Variants in EIF4ENIF1 observed in about 807,000 individuals in gnomAD.
EIF4ENIF1 encodes the protein eukaryotic translation initiation factor 4E nuclear import factor 1.
In EIF4ENIF1, 23 loss-of-function variants were observed where a neutral mutation model predicts 110.5. That is an observed-to-expected ratio of 0.21 (90% CI 0.15 to 0.29). The LOEUF (loss-of-function observed/expected upper bound fraction) is 0.29, where lower values mean the gene tolerates loss of function less well. Ranked by LOEUF, EIF4ENIF1 falls within the 10% of genes least tolerant of loss-of-function variation. The pLI is 1.00. For synonymous variants in EIF4ENIF1, 440 were observed against 437.0 expected (o/e 1.01, Z -0.09); for missense variants, 1,031 against 1,221.1 (o/e 0.84, Z 2.32).
chr22:31,470,427 T>C (rs1306216423), intron 3 of EIF4ENIF1, among the ~76,000 whole-genome samples: 4 of 151,582 alleles, frequency 2.6e-5, no homozygotes, highest in African/African-American at 4.8e-5. Flanking sequence ...ACTATAGGCA[T>C]GTGCCACCAC....
intron 2 of EIF4ENIF1, among the ~76,000 whole-genome samples, chr22:31,477,331 C>T (rs1044384372): frequency 8.1e-6 from 1 of 123,994 alleles, no homozygotes; most frequent in Admixed American, 1.0e-4. Context: ...TCTCCAGCCT[C>T]GGCAACAGAA....
chr22:31,456,423 C>A (rs2050824750), intron 7 of EIF4ENIF1, among the ~76,000 whole-genome samples: 1 of 151,830 alleles, frequency 6.6e-6, no homozygotes, highest in South Asian at 2.1e-4. Context: ...CGGGGTTTTA[C>A]CGTGTTAGCC....
intron 2 of EIF4ENIF1, among the ~76,000 whole-genome samples, chr22:31,475,741 A>AT (rs2051548337): frequency 6.7e-6 from 1 of 149,250 alleles, no homozygotes. Context: ...AAAAAAAAAA[A>AT]TTCACCAAGT....
intron 14 of EIF4ENIF1, 86 bp from the exon 15 acceptor site, chr22:31,444,776 A>C: frequency 8.0e-7 from 1 of 1,249,754 alleles, no homozygotes; most frequent in South Asian, 1.2e-5. Context: ...CCAGCCTAGA[A>C]GTTTTAACAT....
At position 31,480,900 on chromosome 22, in the gene EIF4ENIF1, T is replaced by TA. The variant is rs543876048; in HGVS notation, c.96+7722dup. Among the ~76,000 whole-genome samples, 8 of 147,966 alleles carry TA rather than the reference T, an allele frequency of 5.4e-5. No individual in the cohort carries two copies. The South Asian group carries it at 1.3e-3, about 24-fold the overall frequency. ...GCCAACATGGCGAAATCGTCTCTAC[T>TA]AAAAAAAAGAAAATCAGCTGGGCAT... On this transcript the variant is annotated intron_variant, in intron 2 of 18. Coordinates refer to ENST00000330125, the MANE Select transcript of EIF4ENIF1 (RefSeq NM_019843.4).
intron 10 of EIF4ENIF1, among the ~76,000 whole-genome samples, chr22:31,453,175 G>A (rs186719914): frequency 1.3e-5 from 2 of 152,196 alleles, no homozygotes; most frequent in Admixed American, 1.3e-4. Flanking sequence ...TTAACACATA[G>A]GCTATGGGTA....
At chr22:31,445,763 T>A (rs738657) in intron 14 of EIF4ENIF1, among the ~76,000 whole-genome samples, 42,443 of 151,848 alleles carry the variant, frequency 0.28, 6,619 homozygotes, top group East Asian at 0.54. Flanking sequence ...GAATACAATT[T>A]AAAAAAGCAA....
intron 10 of EIF4ENIF1, among the ~76,000 whole-genome samples, chr22:31,451,568 C>G (rs933571946): frequency 6.6e-6 from 1 of 152,124 alleles, no homozygotes; most frequent in African/African-American, 2.4e-5. Context: ...GCCACCGCAC[C>G]CGGCAACTTT....
chr22:31,486,589 G>A (rs5998005), intron 2 of EIF4ENIF1, among the ~76,000 whole-genome samples: 33 of 150,788 alleles, frequency 2.2e-4, no homozygotes, highest in African/African-American at 6.8e-4. Context: ...GACCAGCCTG[G>A]CCAACATGGC....
chr22:31,444,504 G>T, intron 15 of EIF4ENIF1, 102 bp downstream of exon 15: 1 of 1,102,390 alleles, frequency 9.1e-7, no homozygotes, highest in Non-Finnish European at 1.4e-6. Context: ...TTATTTCCGT[G>T]GAAGGAACTC....
upstream of EIF4ENIF1, among the ~76,000 whole-genome samples, chr22:31,490,250 GGC>G (rs2052224828): frequency 1.3e-5 from 2 of 152,248 alleles, no homozygotes; most frequent in South Asian, 4.1e-4. Flanking sequence ...CACGGCCTGT[GGC>G]GCGACGACCG....
At position 31,489,382 on chromosome 22, in the gene EIF4ENIF1, C is replaced by T. The variant is rs150484322; in HGVS notation, c.-28+312G>A. On this transcript the variant is annotated intron_variant, in intron 1 of 18. Coordinates refer to ENST00000330125, the MANE Select transcript of EIF4ENIF1 (RefSeq NM_019843.4). ...CCTCCTTCGGAGGAAGGGCGGAGAC[C>T]GTACTCACTGAGGGGCGGCCGGCCG... 3.0e-3 allele frequency: 459 copies of T among 152,246 alleles called. 1 individual carries two copies. The highest frequency in any genetic ancestry group is 5.3e-3 in the Non-Finnish European group (363 of 68,056). The allele number at this position is 152,246 out of a possible 1,614,324, so 9.4% of individuals were successfully genotyped here.
intron 2 of EIF4ENIF1, among the ~76,000 whole-genome samples, chr22:31,475,868 A>C (rs1296065453): frequency 6.6e-6 from 1 of 151,996 alleles, no homozygotes; most frequent in Non-Finnish European, 1.5e-5. Context: ...AAAAAGAAAA[A>C]AACAAAACAC....
chr22:31,455,008 A>C (rs2050773316), intron 9 of EIF4ENIF1, 128 bp downstream of exon 9: 1 of 731,796 alleles, frequency 1.4e-6, no homozygotes, highest in Non-Finnish European at 2.1e-6. Context: ...TTTAAAAAAG[A>C]ACATTAAACA....
chr22:31,470,477 C>T (rs1336398375), intron 3 of EIF4ENIF1, among the ~76,000 whole-genome samples: 3 of 151,906 alleles, frequency 2.0e-5, no homozygotes, highest in Admixed American at 6.6e-5. Context: ...CACAGGGTTT[C>T]GCCATGTTGG....
chr22:31,468,316 A>C lies in EIF4ENIF1; in HGVS notation c.171-14T>G. On this transcript the variant is annotated splice_polypyrimidine_tract_variant and intron_variant, in intron 3 of 18. Coordinates refer to ENST00000330125, the MANE Select transcript of EIF4ENIF1 (RefSeq NM_019843.4). ...CAGACACCATCACTACAGGTCAAAA[A>C]ATACAACTGTTAGCACTTACGCCCA... 4 of 1,614,126 alleles carry C rather than the reference A, an allele frequency of 2.5e-6. No homozygotes were observed. Among genetic ancestry groups the C allele is most frequent in the Non-Finnish European group, 3.4e-6 (4 of 1,180,012 alleles).
chr22:31,493,196 A>G (rs553217657), upstream of EIF4ENIF1, among the ~76,000 whole-genome samples: 23 of 151,950 alleles, frequency 1.5e-4, no homozygotes, highest in African/African-American at 5.6e-4. Context: ...ACGCCCGGCT[A>G]AATTTTTTAT....
chr22:31,482,691 C>CAA (rs200160058), intron 2 of EIF4ENIF1, among the ~76,000 whole-genome samples: 1 of 144,668 alleles, frequency 6.9e-6, no homozygotes, highest in African/African-American at 2.6e-5. Flanking sequence ...CAAAAACAAA[C>CAA]AAAAAAAAAC....
chr22:31,472,067 C>T (rs2051399032), intron 2 of EIF4ENIF1, 150 bp from the exon 3 acceptor site: 1 of 602,162 alleles, frequency 1.7e-6, no homozygotes, highest in Non-Finnish European at 2.8e-6. Flanking sequence ...GACTGGAGTA[C>T]ATTGAGGTTC....
Sources: gnomAD v4.1 joint callset for allele counts (sites outside exome capture counted in the v4.1 genomes callset) on GRCh38, gnomAD v4.1.1 for gene constraint, MANE v1.5 for transcripts, NCBI Gene and HGNC (gene_info 2026-07-23, HGNC 2026-07-21) for gene names.